The following GRIK1 variants were observed in gnomAD, a reference collection of about 807,000 sequenced individuals.
GRIK1 encodes glutamate receptor ionotropic, kainate 1.
In GRIK1, 69 loss-of-function variants were observed where a neutral mutation model predicts 105.7. The observed-to-expected ratio is 0.65, with a 90% confidence interval of 0.54 to 0.80. GRIK1 has a LOEUF of 0.80. Ranked by LOEUF, GRIK1 falls within the 30% of genes least tolerant of loss-of-function variation. The probability of loss-of-function intolerance (pLI) is 0.00; values close to 1 mark genes in which losing one functional copy is unlikely to be tolerated. For synonymous variants in GRIK1, 438 were observed against 431.3 expected, an observed-to-expected ratio of 1.02 and a Z score of -0.19; for missense variants, 1,109 against 1,167.3, an observed-to-expected ratio of 0.95 and a Z score of 0.73.
At chr21:29,674,579 C>G (rs762544326) in intron 3 of GRIK1, among the ~76,000 whole-genome samples, 7 of 152,016 alleles carry the variant, frequency 4.6e-5, no homozygotes. Flanking sequence ...GGGCGGATAT[C>G]CCCCAGGCTG....
intron 1 of GRIK1, among the ~76,000 whole-genome samples, chr21:29,807,677 T>C (rs546279873): frequency 8.5e-5 from 13 of 152,166 alleles, no homozygotes; most frequent in Non-Finnish European, 1.8e-4. Flanking sequence ...AACAAATTTG[T>C]TGATACATAT....
At position 29,732,712 on chromosome 21, in the gene GRIK1, G is replaced by A. The variant is rs535037129; in HGVS notation, c.119-38649C>T. Among the ~76,000 whole-genome samples, 4 of 152,290 alleles carry A rather than the reference G, an allele frequency of 2.6e-5. No homozygotes were observed. In the South Asian group the frequency reaches 8.3e-4, roughly 32 times the overall value. ...AGAATAACTTCTATCCATTGGAGAT[G>A]TATTTGTGGATATGCTAGTAGTGGA... On this transcript the variant is annotated intron_variant, in intron 1 of 17. Transcript: ENST00000327783.
intron 12 of GRIK1, among the ~76,000 whole-genome samples, chr21:29,586,313 T>C (rs2091130193): frequency 6.6e-6 from 1 of 152,220 alleles, no homozygotes; most frequent in Non-Finnish European, 1.5e-5. Context: ...TCAGTTTGAG[T>C]ATGTCTGCCT....
At chr21:29,596,718 C>T in intron 8 of GRIK1, 148 bp from the exon 9 acceptor site, 2 of 693,832 alleles carry the variant, frequency 2.9e-6, no homozygotes, top group Non-Finnish European at 2.6e-6. Context: ...AATATAAAGC[C>T]TGACAATAGG....
chr21:29,846,113 G>A (rs768524038), intron 1 of GRIK1, among the ~76,000 whole-genome samples: 3 of 152,108 alleles, frequency 2.0e-5, no homozygotes, highest in Admixed American at 6.6e-5. Flanking sequence ...CTTCTTGACC[G>A]GGTGCAGTGG....
rs530387515 is a variant in GRIK1, at chr21:29,855,667, G to A, written c.118+83716C>T. Among the ~76,000 whole-genome samples the A allele has an allele frequency of 5.3e-5, 8 of 152,318 alleles. No individual in the cohort carries two copies. In the Middle Eastern group the frequency reaches 0.01, roughly 194 times the overall value. ...TCTAGTTTGTGTTCTTAGAAGATTA[G>A]GGATAGGGGTTGAGAATAGATCAGC... On this transcript the variant is annotated intron_variant, in intron 1 of 17. Transcript: ENST00000327783.
chr21:29,930,415 T>G (rs923556331), intron 1 of GRIK1, among the ~76,000 whole-genome samples: 8 of 152,162 alleles, frequency 5.3e-5, no homozygotes, highest in Admixed American at 1.3e-4. Context: ...GTCCTCACAA[T>G]GAAAGAAAGT....
At chr21:29,686,182 T>C (rs576106653) in intron 3 of GRIK1, among the ~76,000 whole-genome samples, 1 of 152,360 alleles carries the variant, frequency 6.6e-6, no homozygotes, top group African/African-American at 2.4e-5. Flanking sequence ...TCCTGAGTCA[T>C]GTAAAACTTT....
intron 1 of GRIK1, among the ~76,000 whole-genome samples, chr21:29,764,294 A>T (rs545381884): frequency 6.6e-6 from 1 of 152,128 alleles, no homozygotes; most frequent in Non-Finnish European, 1.5e-5. Context: ...GCCACAGAAA[A>T]CACTTTATTT....
chr21:29,694,754 T>C (rs1047443517), intron 1 of GRIK1, among the ~76,000 whole-genome samples: 1 of 152,212 alleles, frequency 6.6e-6, no homozygotes, highest in African/African-American at 2.4e-5. Context: ...ACCATTCTTC[T>C]TTAGAATGAA....
chr21:29,933,615 A>G (rs2146367112), intron 1 of GRIK1, among the ~76,000 whole-genome samples: 1 of 152,296 alleles, frequency 6.6e-6, no homozygotes, highest in East Asian at 1.9e-4. Context: ...GTTCATTAAC[A>G]TAGAGAGAGA....
intron 9 of GRIK1, among the ~76,000 whole-genome samples, chr21:29,591,959 G>T (rs2061339818): frequency 6.6e-6 from 1 of 152,176 alleles, no homozygotes; most frequent in African/African-American, 2.4e-5. Flanking sequence ...GTTGAGATGG[G>T]AGGATGGCTT....
chr21:29,683,223 A>T (rs2063416150), intron 3 of GRIK1, among the ~76,000 whole-genome samples: 1 of 152,226 alleles, frequency 6.6e-6, no homozygotes, highest in Non-Finnish European at 1.5e-5. Flanking sequence ...CAGTTTGGAG[A>T]TTTCTCAAAG....
chr21:29,629,447 T>C (rs2062211745), intron 7 of GRIK1, among the ~76,000 whole-genome samples: 1 of 151,922 alleles, frequency 6.6e-6, no homozygotes, highest in Non-Finnish European at 1.5e-5. Context: ...CTAAATGGGT[T>C]GTTGGAAATT....
intron 1 of GRIK1, among the ~76,000 whole-genome samples, chr21:29,770,922 T>C (rs904553819): frequency 6.6e-6 from 1 of 152,204 alleles, no homozygotes; most frequent in Non-Finnish European, 1.5e-5. Context: ...GTTCTTATTA[T>C]TAAGTCTTCT....
chr21:29,618,066 A>T (rs1238943372), intron 7 of GRIK1, among the ~76,000 whole-genome samples: 1 of 152,144 alleles, frequency 6.6e-6, no homozygotes, highest in East Asian at 1.9e-4. Context: ...TCACCTTGAT[A>T]ATCTCTAATT....
chr21:29,907,725 G>A (rs541540747), intron 1 of GRIK1, among the ~76,000 whole-genome samples: 43 of 152,128 alleles, frequency 2.8e-4, no homozygotes, highest in African/African-American at 9.4e-4. Context: ...ATTTTTACCG[G>A]TACTACTGCC....
chr21:29,812,453 A>G (rs2067037460), intron 1 of GRIK1, among the ~76,000 whole-genome samples: 1 of 152,112 alleles, frequency 6.6e-6, no homozygotes, highest in African/African-American at 2.4e-5. Flanking sequence ...TTCTTTTTTT[A>G]AAAACCTTGA....
intron 1 of GRIK1, among the ~76,000 whole-genome samples, chr21:29,891,853 G>A (rs2069911417): frequency 6.6e-6 from 1 of 152,108 alleles, no homozygotes; most frequent in Non-Finnish European, 1.5e-5. Flanking sequence ...AGTTAAATGA[G>A]GAAAATGTAC....
Sources: allele counts gnomAD v4.1 joint callset (sites outside exome capture counted in the v4.1 genomes callset), GRCh38; gene constraint gnomAD v4.1.1; transcripts MANE v1.5; gene names NCBI Gene and HGNC (gene_info 2026-07-23, HGNC 2026-07-21).